GRHL2: variants seen among roughly 807,000 people sequenced by gnomAD.
The protein encoded by GRHL2 is grainyhead like transcription factor 2.
A neutral mutation model predicts 83.8 loss-of-function variants in GRHL2; 21 were observed. The observed-to-expected ratio is 0.25, with a 90% CI of 0.18 to 0.36. The LOEUF is 0.36. Among genes scored for constraint, GRHL2 ranks in the 10% least tolerant of loss-of-function variants. GRHL2 has a pLI of 1.00. For missense variants in GRHL2, 623 were observed against 781.8 expected, an observed-to-expected ratio of 0.80 and a Z score of 2.42; for synonymous variants, 280 against 278.9, an observed-to-expected ratio of 1.00 and a Z score of -0.04.
chr8:101,589,319 TAATGA>T (rs1812228614), intron 7 of GRHL2, among the ~76,000 whole-genome samples: 1 of 152,226 alleles, frequency 6.6e-6, no homozygotes. Context: ...CCACATGGAC[TAATGA>T]AATGAGTTGA....
At chr8:101,665,045 T>C (rs957231372) in intron 15 of GRHL2, among the ~76,000 whole-genome samples, 6 of 152,194 alleles carry the variant, frequency 3.9e-5, no homozygotes, top group African/African-American at 1.2e-4. Flanking sequence ...CTAAGTACTT[T>C]ACATGTATTC....
chr8:101,496,997 A>T (rs1299128259), intron 1 of GRHL2, among the ~76,000 whole-genome samples: 6 of 152,194 alleles, frequency 3.9e-5, no homozygotes, highest in Non-Finnish European at 7.4e-5. Flanking sequence ...AGTCAAAATT[A>T]TTCTTGTAAG....
intron 13 of GRHL2, among the ~76,000 whole-genome samples, chr8:101,646,968 C>T (rs186963747): frequency 1.5e-4 from 23 of 152,300 alleles, no homozygotes; most frequent in Non-Finnish European, 2.4e-4. Flanking sequence ...GGCCCATCAA[C>T]GCGGCTCCCT....
At chr8:101,526,182 A>G (rs1021932731) in intron 1 of GRHL2, among the ~76,000 whole-genome samples, 1 of 152,216 alleles carries the variant, frequency 6.6e-6, no homozygotes, top group Non-Finnish European at 1.5e-5. Context: ...ATATTTTCAT[A>G]TAACTATATA....
rs1186624622 is a variant in GRHL2 at position 101,668,167 on chromosome 8, T to A, written c.*1464T>A. On this transcript the variant is annotated 3_prime_UTR_variant, in exon 16 of 16. Transcript: ENST00000646743. ...ACTCCCCTAAACAATCGCAAAATGA[T>A]GAACCATCATGGGCCACTGTTCTCT... is the stretch of plus-strand genomic sequence containing the variant. The A allele has an allele frequency of 6.6e-6, 1 of 152,570 alleles. No individual in the cohort carries two copies. Among genetic ancestry groups the A allele is most frequent in the African/African-American group, 2.4e-5 (1 of 41,442 alleles). 9.5% of individuals were successfully genotyped at this position (152,570 alleles called of 1,614,324 possible).
intron 1 of GRHL2, among the ~76,000 whole-genome samples, chr8:101,521,508 C>T (rs575034819): frequency 3.3e-5 from 5 of 152,160 alleles, no homozygotes; most frequent in Non-Finnish European, 7.3e-5. Flanking sequence ...TTCATTAACA[C>T]TCGTCACATC....
chr8:101,580,255 G>A (rs1343601253), intron 7 of GRHL2, among the ~76,000 whole-genome samples: 1 of 152,114 alleles, frequency 6.6e-6, no homozygotes, highest in African/African-American at 2.4e-5. Context: ...GATCAAATCA[G>A]GGCATTTGGG....
At chr8:101,542,660 C>T (rs372640597) in intron 1 of GRHL2, 17 of 420,462 alleles carry the variant, frequency 4.0e-5, no homozygotes, top group African/African-American at 3.3e-4. Flanking sequence ...CAATTTTGTG[C>T]TGCTATAACA....
chr8:101,506,747 A>G (rs1397878087), intron 1 of GRHL2, among the ~76,000 whole-genome samples: 1 of 151,962 alleles, frequency 6.6e-6, no homozygotes, highest in East Asian at 1.9e-4. Flanking sequence ...AGATTTTAAC[A>G]ATTTGTGTTC....
At chr8:101,620,288 A>C (rs1037218076) in intron 9 of GRHL2, among the ~76,000 whole-genome samples, 1 of 152,178 alleles carries the variant, frequency 6.6e-6, no homozygotes, top group Non-Finnish European at 1.5e-5. Flanking sequence ...CCAACATATG[A>C]ATTTTGGGGG....
chr8:101,616,826 T>C (rs1205683084), intron 8 of GRHL2, among the ~76,000 whole-genome samples: 1 of 152,218 alleles, frequency 6.6e-6, no homozygotes, highest in Non-Finnish European at 1.5e-5. Flanking sequence ...TGACCCATTG[T>C]GGGCTTGTGT....
At chr8:101,620,226 T>C (rs2130370983) in intron 9 of GRHL2, among the ~76,000 whole-genome samples, 1 of 152,264 alleles carries the variant, frequency 6.6e-6, no homozygotes, top group Middle Eastern at 3.4e-3. Context: ...CTAAACCCAA[T>C]TACCTCCCCA....
At chr8:101,665,957 A>C (rs1205586146) in intron 15 of GRHL2, among the ~76,000 whole-genome samples, 1 of 152,180 alleles carries the variant, frequency 6.6e-6, no homozygotes, top group Non-Finnish European at 1.5e-5. Context: ...ACAGGTGGTA[A>C]AGTACAAGTG....
intron 1 of GRHL2, among the ~76,000 whole-genome samples, chr8:101,511,459 C>T (rs759635445): frequency 5.9e-5 from 9 of 152,090 alleles, no homozygotes; most frequent in Non-Finnish European, 1.2e-4. Flanking sequence ...CCTCAAGCGA[C>T]GCCTCAGGCT....
At chr8:101,606,969 C>G (rs1224178054) in intron 8 of GRHL2, among the ~76,000 whole-genome samples, 1 of 152,252 alleles carries the variant, frequency 6.6e-6, no homozygotes, top group African/African-American at 2.4e-5. Context: ...GGTGTTCTCA[C>G]TTCTCATACG....
chr8:101,653,645 G>A (rs555754329), intron 14 of GRHL2, among the ~76,000 whole-genome samples: 1 of 152,066 alleles, frequency 6.6e-6, no homozygotes, highest in Non-Finnish European at 1.5e-5. Flanking sequence ...AAGAGGCTGG[G>A]GCAAGAGAAT....
At chr8:101,566,701 T>A (rs1811726964) in intron 4 of GRHL2, among the ~76,000 whole-genome samples, 2 of 151,524 alleles carry the variant, frequency 1.3e-5, no homozygotes, top group South Asian at 4.1e-4. Context: ...CCATACAACC[T>A]TATCCATGTT....
chr8:101,668,364 A>C lies in GRHL2; in HGVS notation c.*1661A>C, dbSNP rs1814124568. 6.5e-6 allele frequency: 1 copy of C among 152,676 alleles called. No individual in the cohort carries two copies. Among genetic ancestry groups the C allele is most frequent in the Middle Eastern group, 3.4e-3 (1 of 294 alleles). 9.5% of individuals were successfully genotyped at this position (152,676 alleles called of 1,614,324 possible). On this transcript the variant is annotated 3_prime_UTR_variant, in exon 16 of 16. Transcript: ENST00000646743. The stretch of plus-strand genomic sequence containing the variant: ...CTCTCTAAGGGCTTCCTGCGCTCCC[A>C]CCTCATCTGTCCCTGAGATGCAGAG...
At chr8:101,652,438 G>GGGGTGTGTGGT (rs1813667832) in intron 14 of GRHL2, among the ~76,000 whole-genome samples, 1 of 65,352 alleles carries the variant, frequency 1.5e-5, no homozygotes, top group South Asian at 6.4e-4. Flanking sequence ...GTGTGTGTCT[G>GGGGTGTGTGGT]GTGTGTGTGG....
Sources: allele counts gnomAD v4.1 joint callset (sites outside exome capture counted in the v4.1 genomes callset), GRCh38; gene constraint gnomAD v4.1.1; transcripts MANE v1.5; gene names NCBI Gene and HGNC (gene_info 2026-07-23, HGNC 2026-07-21).